VEGFC: variants seen among roughly 807,000 people sequenced by gnomAD.
The protein encoded by VEGFC is FLT4 ligand DHM.
In VEGFC, 12 loss-of-function variants were observed where a neutral mutation model predicts 46.1. The observed-to-expected ratio is 0.26, with a 90% CI of 0.17 to 0.42. The LOEUF (loss-of-function observed/expected upper bound fraction) is 0.42. Ranked by LOEUF, VEGFC falls within the 10% of genes least tolerant of loss-of-function variation. The pLI is 1.00. For missense variants in VEGFC, 488 were observed against 529.4 expected (o/e 0.92, Z 0.77); for synonymous variants, 232 against 195.5 (o/e 1.19, Z -1.56).
intron 2 of VEGFC, 94 bp downstream of exon 2, chr4:176,729,439 C>T (rs747896336): frequency 8.0e-6 from 8 of 1,004,802 alleles, no homozygotes; most frequent in Middle Eastern, 3.1e-4. Context: ...AAGGTGTATT[C>T]GGTGATACAA....
intron 1 of VEGFC, among the ~76,000 whole-genome samples, chr4:176,754,815 G>C (rs1014420369): frequency 6.6e-6 from 1 of 152,042 alleles, no homozygotes; most frequent in African/African-American, 2.4e-5. Flanking sequence ...ATCTATACCA[G>C]TGTGAAGTGG....
intron 1 of VEGFC, among the ~76,000 whole-genome samples, chr4:176,744,702 T>A (rs1735232770): frequency 6.6e-6 from 1 of 152,084 alleles, no homozygotes; most frequent in African/African-American, 2.4e-5. Context: ...GTGCTAGTTT[T>A]TAAAAAATAC....
chr4:176,790,815 C>T (rs1232104198), intron 1 of VEGFC, among the ~76,000 whole-genome samples: 3 of 152,140 alleles, frequency 2.0e-5, no homozygotes, highest in South Asian at 4.1e-4. Flanking sequence ...TACATTTCTG[C>T]GGTATTTAAG....
At chr4:176,724,506 G>A (rs1734841211) in intron 3 of VEGFC, among the ~76,000 whole-genome samples, 1 of 152,096 alleles carries the variant, frequency 6.6e-6, no homozygotes, top group Admixed American at 6.6e-5. Context: ...TAAAAATATG[G>A]GAAACTATAA....
intron 1 of VEGFC, among the ~76,000 whole-genome samples, chr4:176,740,765 C>T (rs1185154850): frequency 1.3e-5 from 2 of 151,524 alleles, no homozygotes; most frequent in African/African-American, 4.8e-5. Context: ...CCAAAAACGT[C>T]CTAAGCAAAG....
At chr4:176,744,571 A>T (rs1212625854) in intron 1 of VEGFC, among the ~76,000 whole-genome samples, 1 of 152,062 alleles carries the variant, frequency 6.6e-6, no homozygotes, top group African/African-American at 2.4e-5. Context: ...CATTTAGCAG[A>T]GGAGATTTTG....
chr4:176,733,488 T>A (rs897413064), intron 1 of VEGFC, among the ~76,000 whole-genome samples: 3 of 151,872 alleles, frequency 2.0e-5, no homozygotes, highest in Non-Finnish European at 2.9e-5. Context: ...TTAAAACAAG[T>A]AAAGCAAGCC....
At chr4:176,736,036 G>C (rs1735047494) in intron 1 of VEGFC, among the ~76,000 whole-genome samples, 1 of 151,690 alleles carries the variant, frequency 6.6e-6, no homozygotes, top group Admixed American at 6.6e-5. Flanking sequence ...CTAGAAAAAA[G>C]ACACTATCTC....
chr4:176,687,567 G>T, intron 5 of VEGFC, 47 bp from the exon 6 acceptor site: 1 of 1,464,424 alleles, frequency 6.8e-7, no homozygotes, highest in Non-Finnish European at 9.0e-7. Flanking sequence ...CTTGGTTCTG[G>T]GTGTGGCATG....
intron 1 of VEGFC, among the ~76,000 whole-genome samples, chr4:176,755,311 G>A (rs1361081034): frequency 1.3e-5 from 2 of 151,990 alleles, no homozygotes; most frequent in Non-Finnish European, 2.9e-5. Context: ...ACAGCAGACA[G>A]GAGACAAGTA....
At chr4:176,697,851 T>A (rs1413402882) in intron 4 of VEGFC, among the ~76,000 whole-genome samples, 3 of 150,206 alleles carry the variant, frequency 2.0e-5, no homozygotes, top group African/African-American at 5.0e-5. Flanking sequence ...TGGATGAAAT[T>A]GGAAGTCATC....
intron 1 of VEGFC, among the ~76,000 whole-genome samples, chr4:176,737,811 T>C (rs1326426333): frequency 6.6e-6 from 1 of 151,882 alleles, no homozygotes; most frequent in Admixed American, 6.6e-5. Context: ...AATATATTTA[T>C]ATATCTTTAT....
intron 3 of VEGFC, among the ~76,000 whole-genome samples, chr4:176,716,239 A>G (rs1473684311): frequency 6.6e-6 from 1 of 152,120 alleles, no homozygotes; most frequent in Non-Finnish European, 1.5e-5. Context: ...GAATCTCAGG[A>G]TAACAGTCAT....
chr4:176,689,373 C>T (rs558669651), intron 4 of VEGFC: 2 of 152,128 alleles, frequency 1.3e-5, no homozygotes, highest in Admixed American at 1.3e-4. Context: ...AATTTTTCAA[C>T]AGAAAAACAA....
At chr4:176,689,711 CTT>C (rs1377416540) in intron 4 of VEGFC, 1 of 152,060 alleles carries the variant, frequency 6.6e-6, no homozygotes, top group African/African-American at 2.4e-5. Context: ...TTAATTTTGA[CTT>C]TTAACTTTTT....
rs546077907 is a variant in VEGFC, at chr4:176,691,600, T to G, written c.705-3673A>C. Reference sequence around the variant, plus strand: ...CTTTGGTGTGGCAGCTATTGCTTTATGCTGGTTAAAATCACGTGACAAAAA... The same window carrying G: ...CTTTGGTGTGGCAGCTATTGCTTTAGGCTGGTTAAAATCACGTGACAAAAA... On this transcript the variant is annotated intron_variant, in intron 4 of 6. Coordinates refer to ENST00000618562, the MANE Select transcript of VEGFC (RefSeq NM_005429.5). Among the ~76,000 whole-genome samples, 13 of 152,364 alleles carry G rather than the reference T, an allele frequency of 8.5e-5. No homozygotes were observed. In the East Asian group the frequency reaches 1.9e-3, roughly 23 times the overall value.
chr4:176,721,093 T>C (rs1191428249), intron 3 of VEGFC, among the ~76,000 whole-genome samples: 1 of 151,920 alleles, frequency 6.6e-6, no homozygotes, highest in Non-Finnish European at 1.5e-5. Flanking sequence ...GTGACAGATA[T>C]TGACATAACC....
intron 1 of VEGFC, among the ~76,000 whole-genome samples, chr4:176,788,552 G>A (rs1290822416): frequency 6.6e-6 from 1 of 152,114 alleles, no homozygotes; most frequent in African/African-American, 2.4e-5. Flanking sequence ...AATTCCTCCT[G>A]AGTTGAAAAT....
intron 1 of VEGFC, among the ~76,000 whole-genome samples, chr4:176,779,308 G>A (rs1190050208): frequency 6.6e-6 from 1 of 152,082 alleles, no homozygotes; most frequent in Non-Finnish European, 1.5e-5. Context: ...AGTAATACAA[G>A]GTGGTATAAA....
Sources: allele counts gnomAD v4.1 joint callset (sites outside exome capture counted in the v4.1 genomes callset), GRCh38; gene constraint gnomAD v4.1.1; transcripts MANE v1.5; gene names NCBI Gene and HGNC (gene_info 2026-07-23, HGNC 2026-07-21).